LINGO2: variants seen among roughly 807,000 people sequenced by gnomAD.
LINGO2 encodes the protein leucine-rich repeat and immunoglobulin-like domain-containing nogo receptor-interacting protein 2.
In LINGO2, 14 loss-of-function variants were observed where a neutral mutation model predicts 30.6. The ratio of observed to expected loss-of-function variants is 0.46; its 90% CI spans 0.30 to 0.72. The LOEUF (loss-of-function observed/expected upper bound fraction) is 0.72. Ranked by LOEUF, LINGO2 falls within the 30% of genes least tolerant of loss-of-function variation. The pLI is 0.07. For missense variants in LINGO2, 729 were observed against 751.7 expected, an observed-to-expected ratio of 0.97 and a Z score of 0.35; for synonymous variants, 317 against 288.5, an observed-to-expected ratio of 1.10 and a Z score of -1.00.
intron 2 of LINGO2, among the ~76,000 whole-genome samples, chr9:28,440,835 C>T (rs1016294776): frequency 6.6e-6 from 1 of 152,044 alleles, no homozygotes. Context: ...GAGAGCAAAG[C>T]ATTTTAAAGT....
chr9:28,302,443 C>G (rs530868543), intron 3 of LINGO2, among the ~76,000 whole-genome samples: 4 of 152,148 alleles, frequency 2.6e-5, no homozygotes, highest in Admixed American at 2.6e-4. Context: ...TTTTGGGAGG[C>G]CAAGACAGGT....
intron 4 of LINGO2, among the ~76,000 whole-genome samples, chr9:28,150,270 G>T (rs1402726474): frequency 3.9e-5 from 6 of 152,340 alleles, no homozygotes; most frequent in South Asian, 4.1e-4. Flanking sequence ...CTGCCCGGCT[G>T]CTGTGCAACC....
At chr9:28,340,957 C>T (rs1186177284) in intron 3 of LINGO2, among the ~76,000 whole-genome samples, 1 of 152,064 alleles carries the variant, frequency 6.6e-6, no homozygotes, top group East Asian at 1.9e-4. Flanking sequence ...TCCCCATTCT[C>T]TTTAAAGGGC....
chr9:28,338,696 TA>T (rs1387416675), intron 3 of LINGO2, among the ~76,000 whole-genome samples: 3 of 152,106 alleles, frequency 2.0e-5, no homozygotes, highest in Admixed American at 2.0e-4. Context: ...GATGGGTATA[TA>T]AGAGGCTTTT....
chr9:28,149,872 C>T (rs1181088555), intron 4 of LINGO2, among the ~76,000 whole-genome samples: 1 of 151,644 alleles, frequency 6.6e-6, no homozygotes, highest in Non-Finnish European at 1.5e-5. Flanking sequence ...TGCCCAGCCG[C>T]CGCCCTGTCT....
At chr9:28,822,052 C>T in the LINGO2 span, among the ~76,000 whole-genome samples, 19 of 152,182 alleles carry the variant, frequency 1.2e-4, no homozygotes, top group African/African-American at 4.3e-4. Context: ...AGAGCAAGCC[C>T]AGAGATACTT....
At chr9:28,015,138 C>G (rs987629725) in intron 4 of LINGO2, among the ~76,000 whole-genome samples, 1 of 152,100 alleles carries the variant, frequency 6.6e-6, no homozygotes, top group African/African-American at 2.4e-5. Context: ...CTACTCAGTC[C>G]TTATTCAAGA....
intron 4 of LINGO2, among the ~76,000 whole-genome samples, chr9:28,170,881 C>A (rs1056794717): frequency 1.3e-5 from 2 of 152,180 alleles, no homozygotes; most frequent in African/African-American, 4.8e-5. Context: ...ATCTCAAGAT[C>A]CTTATCTTAA....
the LINGO2 span, among the ~76,000 whole-genome samples, chr9:28,979,775 T>C: frequency 1.5e-4 from 23 of 152,272 alleles, no homozygotes; most frequent in East Asian, 4.1e-3. Context: ...CATTGAATCG[T>C]GTGCTGGACA....
chr9:28,312,554 T>A (rs1290969989), intron 3 of LINGO2, among the ~76,000 whole-genome samples: 1 of 152,002 alleles, frequency 6.6e-6, no homozygotes, highest in Admixed American at 6.6e-5. Context: ...ATGCAGAGAG[T>A]ACTGTGTAGT....
chr9:28,915,417 T>A, the LINGO2 span, among the ~76,000 whole-genome samples: 684 of 152,176 alleles, frequency 4.5e-3, 5 homozygotes, highest in African/African-American at 0.015. Context: ...GGCTTGAGAA[T>A]CTACCTTAGT....
chr9:28,877,029 T>C, the LINGO2 span, among the ~76,000 whole-genome samples: 1 of 152,166 alleles, frequency 6.6e-6, no homozygotes, highest in African/African-American at 2.4e-5. Flanking sequence ...TCATGTGTTT[T>C]TTGGCTGCAT....
chr9:28,649,742 G>A (rs947986282), intron 1 of LINGO2, among the ~76,000 whole-genome samples: 18 of 152,120 alleles, frequency 1.2e-4, no homozygotes, highest in African/African-American at 4.1e-4. Context: ...GGTTGGGAAT[G>A]GGGGGAGGAG....
intron 4 of LINGO2, among the ~76,000 whole-genome samples, chr9:28,104,271 T>TTTTTTTTTTTTTTTTTTG (rs1826511508): frequency 1.4e-5 from 2 of 146,676 alleles, no homozygotes; most frequent in Non-Finnish European, 1.5e-5. Context: ...TGTTTGTTTT[T>TTTTTTTTTTTTTTTTTTG]TTTTTTTTTT....
chr9:28,220,128 GATGT>G (rs1389614011), intron 4 of LINGO2, among the ~76,000 whole-genome samples: 1 of 152,092 alleles, frequency 6.6e-6, no homozygotes, highest in Non-Finnish European at 1.5e-5. Flanking sequence ...TTTACAGGAG[GATGT>G]ATGTATGTTA....
chr9:28,857,502 G>A, the LINGO2 span, among the ~76,000 whole-genome samples: 9 of 152,046 alleles, frequency 5.9e-5, no homozygotes, highest in South Asian at 4.1e-4. Context: ...GTAGAACTCC[G>A]CCTTCCAGGC....
chr9:28,717,496 G>C, the LINGO2 span, among the ~76,000 whole-genome samples: 1 of 151,948 alleles, frequency 6.6e-6, no homozygotes, highest in Non-Finnish European at 1.5e-5. Context: ...ATTTTGGAAA[G>C]CAATCAACAG....
intron 2 of LINGO2, among the ~76,000 whole-genome samples, chr9:28,462,699 A>T (rs1042977300): frequency 3.3e-5 from 5 of 152,206 alleles, no homozygotes; most frequent in Middle Eastern, 3.4e-3. Context: ...ATTAGTGATG[A>T]AAATATCTTT....
chr9:28,704,396 ATT>A, the LINGO2 span, among the ~76,000 whole-genome samples: 3 of 147,694 alleles, frequency 2.0e-5, no homozygotes, highest in African/African-American at 7.4e-5. Flanking sequence ...TTTTTATTGG[ATT>A]TTTTTTTTCG....
Sources: gnomAD v4.1 joint callset for allele counts (sites outside exome capture counted in the v4.1 genomes callset) on GRCh38, gnomAD v4.1.1 for gene constraint, MANE v1.5 for transcripts, NCBI Gene and HGNC (gene_info 2026-07-23, HGNC 2026-07-21) for gene names.